Variants in ATP8A2 observed in about 807,000 individuals in gnomAD.
ATP8A2 encodes ATPase phospholipid transporting 8A2.
In ATP8A2, 100 loss-of-function variants were observed where a neutral mutation model predicts 165.6. That is an observed-to-expected ratio of 0.60 (90% CI 0.51 to 0.71). The LOEUF (loss-of-function observed/expected upper bound fraction) is 0.71. ATP8A2 is among the 30% of genes least tolerant of loss of function. The pLI, the probability that ATP8A2 is intolerant of heterozygous loss-of-function variation, is 0.00. For synonymous variants in ATP8A2, 543 were observed against 548.8 expected, an observed-to-expected ratio of 0.99 and a Z score of 0.15; for missense variants, 1,227 against 1,479.5, an observed-to-expected ratio of 0.83 and a Z score of 2.80.
chr13:25,604,115 A>G (rs1398834085), intron 24 of ATP8A2, among the ~76,000 whole-genome samples: 1 of 152,100 alleles, frequency 6.6e-6, no homozygotes, highest in African/African-American at 2.4e-5. Context: ...AAATATGGCC[A>G]TTGAGGTAAG....
intron 2 of ATP8A2, among the ~76,000 whole-genome samples, chr13:25,502,713 C>T (rs1188357637): frequency 6.6e-6 from 1 of 152,208 alleles, no homozygotes; most frequent in Non-Finnish European, 1.5e-5. Flanking sequence ...GTCCTTTGGA[C>T]TCAGATGTGA....
intron 2 of ATP8A2, among the ~76,000 whole-genome samples, chr13:25,516,026 C>A (rs2037457277): frequency 6.6e-6 from 1 of 152,184 alleles, no homozygotes; most frequent in African/African-American, 2.4e-5. Context: ...AATAATATAG[C>A]TTGCCCCAGA....
intron 35 of ATP8A2, among the ~76,000 whole-genome samples, chr13:25,984,607 A>C (rs1262840360): frequency 1.6e-4 from 25 of 151,976 alleles, no homozygotes; most frequent in Non-Finnish European, 2.5e-4. Context: ...CAAAAAAAAA[A>C]AAACAAACAA....
intron 33 of ATP8A2, among the ~76,000 whole-genome samples, chr13:25,941,247 C>G (rs548544402): frequency 1.3e-5 from 2 of 152,154 alleles, no homozygotes; most frequent in Non-Finnish European, 1.5e-5. Context: ...TCCTATGCCT[C>G]CCAGATCCTG....
At chr13:25,457,313 T>G (rs1277041489) in intron 1 of ATP8A2, among the ~76,000 whole-genome samples, 1 of 152,198 alleles carries the variant, frequency 6.6e-6, no homozygotes, top group East Asian at 1.9e-4. Flanking sequence ...AACAGATATT[T>G]TATTATTTCA....
chr13:25,641,052 C>T (rs1291781830), intron 24 of ATP8A2, among the ~76,000 whole-genome samples: 3 of 152,188 alleles, frequency 2.0e-5, no homozygotes, highest in African/African-American at 4.8e-5. Flanking sequence ...CAAAATTCAA[C>T]AGCCCTTCTT....
chr13:25,646,223 A>C (rs2041666806), intron 24 of ATP8A2, among the ~76,000 whole-genome samples: 2 of 152,150 alleles, frequency 1.3e-5, no homozygotes, highest in South Asian at 2.1e-4. Flanking sequence ...GTCTGATTTA[A>C]GTATAGCTAC....
chr13:25,546,064 A>T (rs1009253346), intron 10 of ATP8A2, among the ~76,000 whole-genome samples: 1 of 95,840 alleles, frequency 1.0e-5, no homozygotes, highest in Non-Finnish European at 2.5e-5. Context: ...TTTCTTATAC[A>T]CTGGGTTTTT....
chr13:25,725,510 A>T (rs2043473710), intron 25 of ATP8A2, among the ~76,000 whole-genome samples: 1 of 152,190 alleles, frequency 6.6e-6, no homozygotes. Flanking sequence ...AGGACAACAG[A>T]CAGGGGTGCT....
intron 24 of ATP8A2, among the ~76,000 whole-genome samples, chr13:25,652,026 C>T (rs193071650): frequency 5.9e-5 from 9 of 152,040 alleles, no homozygotes; most frequent in Admixed American, 2.6e-4. Context: ...AATTTTATTC[C>T]GACCTATGAT....
At chr13:25,914,333 C>T (rs1303005620) in intron 33 of ATP8A2, among the ~76,000 whole-genome samples, 4 of 152,102 alleles carry the variant, frequency 2.6e-5, no homozygotes, top group African/African-American at 7.2e-5. Flanking sequence ...CAGCCCTTAC[C>T]TCTTTCTTAA....
chr13:25,957,493 C>CA (rs1206625201), intron 33 of ATP8A2, among the ~76,000 whole-genome samples: 1 of 152,152 alleles, frequency 6.6e-6, no homozygotes, highest in Non-Finnish European at 1.5e-5. Context: ...TTTATGCGGC[C>CA]AACAAACGTA....
intron 2 of ATP8A2, among the ~76,000 whole-genome samples, chr13:25,490,270 G>A (rs983500692): frequency 6.6e-6 from 1 of 152,204 alleles, no homozygotes; most frequent in Admixed American, 6.5e-5. Context: ...TTTTTCCTGA[G>A]CCGTAAGGTG....
At chr13:25,751,061 A>G (rs1434784201) in intron 25 of ATP8A2, among the ~76,000 whole-genome samples, 3 of 152,232 alleles carry the variant, frequency 2.0e-5, no homozygotes, top group Non-Finnish European at 4.4e-5. Context: ...TCCTGATAAA[A>G]TTTAGCTTAC....
At chr13:25,832,197 C>T (rs1187111840) in intron 28 of ATP8A2, among the ~76,000 whole-genome samples, 1 of 152,116 alleles carries the variant, frequency 6.6e-6, no homozygotes, top group Non-Finnish European at 1.5e-5. Context: ...CTCGGCCCCC[C>T]AGAGTGCTGG....
At chr13:25,664,438 C>T (rs1025129765) in intron 24 of ATP8A2, among the ~76,000 whole-genome samples, 9 of 152,164 alleles carry the variant, frequency 5.9e-5, no homozygotes, top group Non-Finnish European at 1.2e-4. Context: ...CCCTCTTCAG[C>T]GATTGCACTG....
chr13:25,837,317 T>C, intron 29 of ATP8A2, 32 bp downstream of exon 29: 2 of 1,610,856 alleles, frequency 1.2e-6, no homozygotes, highest in East Asian at 2.2e-5. Context: ...AACTGTCACC[T>C]CAGAAAGGCG....
rs764092726 is a variant in ATP8A2 at position 25,699,275 on chromosome 13, G to C, written c.2314G>C (p.Ala772Pro). The C allele has an allele frequency of 3.7e-6, 6 of 1,613,774 alleles. No homozygotes were observed. The South Asian group carries it at 6.6e-5, about 18-fold the overall frequency. Reference protein sequence around the residue: ...LIIDGHTLKYALSFEVRRSFL... With the variant: ...LIIDGHTLKYPLSFEVRRSFL... ...CATCGATGGCCACACCCTGAAGTAC[G>C]CGCTCTCCTTCGAAGTCCGGAGGAG... Residue 772 changes from alanine to proline, a missense_variant, in exon 25 of 37, where the codon GCG (alanine) becomes CCG (proline). Transcript: ENST00000381655.
At chr13:25,962,606 C>G (rs1186414745) in intron 34 of ATP8A2, among the ~76,000 whole-genome samples, 2 of 152,166 alleles carry the variant, frequency 1.3e-5, no homozygotes, top group Admixed American at 1.3e-4. Context: ...CCAATTTCTC[C>G]TACAAATAGG....
Sources: allele counts gnomAD v4.1 joint callset (sites outside exome capture counted in the v4.1 genomes callset), GRCh38; gene constraint gnomAD v4.1.1; transcripts MANE v1.5; gene names NCBI Gene and HGNC (gene_info 2026-07-23, HGNC 2026-07-21).